MBD5: variants seen among roughly 807,000 people sequenced by gnomAD.
MBD5 encodes methyl-CpG binding domain protein 5.
Under a neutral mutation model 117.3 loss-of-function variants are expected in MBD5, and 13 were observed. The ratio of observed to expected loss-of-function variants is 0.11; its 90% CI spans 0.07 to 0.18. The LOEUF is 0.18. Ranked by LOEUF, MBD5 falls within the 10% of genes least tolerant of loss-of-function variation. MBD5 has a pLI of 1.00. For synonymous variants in MBD5, 727 were observed against 766.4 expected (o/e 0.95, Z 0.85); for missense variants, 1,879 against 2,093.8 (o/e 0.90, Z 2.00).
At chr2:148,486,875 G>A (rs779569665) in intron 10 of MBD5, among the ~76,000 whole-genome samples, 6 of 152,180 alleles carry the variant, frequency 3.9e-5, no homozygotes, top group Non-Finnish European at 8.8e-5. Context: ...CTTTTGGAGG[G>A]TAATTTGATA....
chr2:148,446,600 A>ATGTGTGTG (rs1215172950), intron 4 of MBD5, among the ~76,000 whole-genome samples: 1,117 of 9,940 alleles, frequency 0.11, 6 homozygotes, highest in Non-Finnish European at 0.24. Context: ...CAGATTATTT[A>ATGTGTGTG]TCTGTGTGTG....
intron 1 of MBD5, among the ~76,000 whole-genome samples, chr2:148,140,130 T>C (rs1697277145): frequency 6.6e-6 from 1 of 152,212 alleles, no homozygotes; most frequent in Admixed American, 6.5e-5. Context: ...ATTGGTAATG[T>C]CCTAGAACAC....
At chr2:148,035,471 G>T (rs959314451) in intron 1 of MBD5, among the ~76,000 whole-genome samples, 1 of 151,918 alleles carries the variant, frequency 6.6e-6, no homozygotes, top group Non-Finnish European at 1.5e-5. Flanking sequence ...TTTTTGTGCT[G>T]TTCTGCACTT....
At chr2:148,506,549 G>A (rs1320495966) in intron 12 of MBD5, among the ~76,000 whole-genome samples, 1 of 152,176 alleles carries the variant, frequency 6.6e-6, no homozygotes, top group Non-Finnish European at 1.5e-5. Flanking sequence ...TATGAAGTGA[G>A]TCACTTAAAC....
intron 1 of MBD5, among the ~76,000 whole-genome samples, chr2:148,034,763 C>T (rs138265645): frequency 3.0e-4 from 45 of 152,208 alleles, no homozygotes; most frequent in East Asian, 2.1e-3. Flanking sequence ...GCATCCTTAG[C>T]GGCTTTGAGA....
chr2:148,497,230 T>A (rs540672527), intron 11 of MBD5, among the ~76,000 whole-genome samples: 2 of 152,192 alleles, frequency 1.3e-5, no homozygotes, highest in African/African-American at 4.8e-5. Context: ...CTTAATTGAT[T>A]CATTCAATAA....
chr2:148,299,117 T>G (rs907053292), intron 3 of MBD5, among the ~76,000 whole-genome samples: 1 of 151,474 alleles, frequency 6.6e-6, no homozygotes, highest in Non-Finnish European at 1.5e-5. Context: ...TGCTCCATCC[T>G]CTGTTTAAAG....
chr2:148,269,470 T>C (rs1424691091), intron 3 of MBD5, among the ~76,000 whole-genome samples: 1 of 151,766 alleles, frequency 6.6e-6, no homozygotes, highest in African/African-American at 2.4e-5. Context: ...TATTTTACTT[T>C]TATATTTGAG....
Position 148,399,327 on chromosome 2 carries a change from C to A in MBD5, c.-557+56991C>A, listed in dbSNP as rs374578957. On this transcript the variant is annotated intron_variant, in intron 4 of 13. Transcript: ENST00000642680. ...ATGTGTTTGTATCCTCTTTTATTTCCTTGAGCAGTGGTTTGTAGTTCTCCT... is the reference window on the plus strand; with the variant it reads ...ATGTGTTTGTATCCTCTTTTATTTCATTGAGCAGTGGTTTGTAGTTCTCCT... Among the ~76,000 whole-genome samples the A allele has an allele frequency of 9.1e-3, 1,384 of 151,938 alleles. 20 individuals carry two copies. Among genetic ancestry groups the A allele is most frequent in the African/African-American group, 0.031 (1,298 of 41,438 alleles).
chr2:148,134,552 A>G (rs1697130366), intron 1 of MBD5, among the ~76,000 whole-genome samples: 1 of 152,172 alleles, frequency 6.6e-6, no homozygotes, highest in South Asian at 2.1e-4. Flanking sequence ...CCCTACAAGT[A>G]TGCTTTATTC....
intron 8 of MBD5, among the ~76,000 whole-genome samples, chr2:148,481,244 AATAC>A (rs1346444559): frequency 6.6e-6 from 1 of 152,202 alleles, no homozygotes; most frequent in Non-Finnish European, 1.5e-5. Context: ...AAATATAGTA[AATAC>A]ATACACTACA....
At chr2:148,304,079 C>A (rs1238290812) in intron 3 of MBD5, among the ~76,000 whole-genome samples, 2 of 152,102 alleles carry the variant, frequency 1.3e-5, no homozygotes, top group African/African-American at 4.8e-5. Flanking sequence ...ATCCACACTG[C>A]AGATCTCCCC....
rs200434229 is a variant in MBD5 at position 148,064,121 on chromosome 2, C to CTTTTTTTTTT, written c.-925+42443_-925+42444insTTTTTTTTTT. ...GAAACATACTATTCCCACCAGCTGT[C>CTTTTTTTTTT]TTTTTTCTTTTTTTTTTTTTTTGAG... On this transcript the variant is annotated intron_variant, in intron 1 of 13. Coordinates refer to ENST00000642680, the MANE Select transcript of MBD5 (RefSeq NM_001378120.1). Among the ~76,000 whole-genome samples the CTTTTTTTTTT allele has an allele frequency of 5.5e-5, 7 of 126,152 alleles. 1 individual carries two copies. The highest frequency in any genetic ancestry group is 1.3e-4 in the African/African-American group (4 of 31,766). 82.8% of individuals were successfully genotyped at this position (126,152 alleles called of 152,430 possible).
intron 3 of MBD5, among the ~76,000 whole-genome samples, chr2:148,252,479 A>G (rs1478051907): frequency 1.4e-5 from 2 of 144,686 alleles, no homozygotes; most frequent in Non-Finnish European, 1.5e-5. Flanking sequence ...AAAAAGAAAC[A>G]CTGAAAGATA....
intron 1 of MBD5, among the ~76,000 whole-genome samples, chr2:148,178,283 T>C (rs1480925895): frequency 6.6e-6 from 1 of 152,242 alleles, no homozygotes; most frequent in Non-Finnish European, 1.5e-5. Context: ...TCTATGATTT[T>C]GGCTTTTATA....
intron 1 of MBD5, chr2:148,026,994 T>G (rs1394108687): frequency 6.6e-6 from 1 of 152,148 alleles, no homozygotes; most frequent in Admixed American, 6.5e-5. Flanking sequence ...TTCCTTTAAC[T>G]TGTGTGGAGT....
At chr2:148,283,741 GCC>G (rs1701304252) in intron 3 of MBD5, among the ~76,000 whole-genome samples, 2 of 152,130 alleles carry the variant, frequency 1.3e-5, no homozygotes, top group African/African-American at 4.8e-5. Context: ...AATGGACCAT[GCC>G]TATGCTTACT....
At position 148,512,945 on chromosome 2, in the gene MBD5, A is replaced by G. The variant is rs1559110316; in HGVS notation, c.*4A>G. On this transcript the variant is annotated 3_prime_UTR_variant, in exon 14 of 14. Coordinates refer to ENST00000642680, the MANE Select transcript of MBD5 (RefSeq NM_001378120.1). The stretch of plus-strand genomic sequence containing the variant: ...GAGGAGGAAGATCTCCAGATAACAG[A>G]GACTACTCCACTAATGCGCAGTGTT... 9 of 1,612,584 alleles carry G rather than the reference A, an allele frequency of 5.6e-6. No homozygotes were observed. Among genetic ancestry groups the G allele is most frequent in the African/African-American group, 2.7e-5 (2 of 75,032 alleles).
intron 9 of MBD5, 78 bp from the exon 10 acceptor site, chr2:148,485,664 G>T: frequency 9.0e-7 from 1 of 1,110,996 alleles, no homozygotes; most frequent in East Asian, 2.6e-5. Context: ...TCTGTTTCAG[G>T]AATTCTCGGG....
Sources: gnomAD v4.1 joint callset for allele counts (sites outside exome capture counted in the v4.1 genomes callset) on GRCh38, gnomAD v4.1.1 for gene constraint, MANE v1.5 for transcripts, NCBI Gene and HGNC (gene_info 2026-07-23, HGNC 2026-07-21) for gene names.